Variants in TNFSF4 observed in about 807,000 individuals in gnomAD.
The protein encoded by TNFSF4 is TNF superfamily member 4, also known as tumor necrosis factor ligand superfamily member 4.
Under a neutral mutation model 7.3 loss-of-function variants are expected in TNFSF4, and 4 were observed. That is an observed-to-expected ratio of 0.55 (90% CI 0.27 to 1.25). The LOEUF is 1.25. Ranked by LOEUF, TNFSF4 falls within the 50% of genes most tolerant of loss-of-function variation. The pLI is 0.12. For synonymous variants in TNFSF4, 76 were observed against 83.7 expected (o/e 0.91, Z 0.50); for missense variants, 181 against 208.8 (o/e 0.87, Z 0.82).
the TNFSF4 span, among the ~76,000 whole-genome samples, chr1:173,387,761 A>T: frequency 2.1e-3 from 312 of 151,718 alleles, no homozygotes; most frequent in African/African-American, 6.1e-3. Flanking sequence ...GAAATATGGT[A>T]AAAAAAATTG....
chr1:173,433,322 A>G, the TNFSF4 span, among the ~76,000 whole-genome samples: 143 of 152,322 alleles, frequency 9.4e-4, 2 homozygotes, highest in Admixed American at 2.2e-3. Context: ...GACTTGCAGT[A>G]TAGTCTTAAG....
intron 2 of TNFSF4, 126 bp from the exon 3 acceptor site, chr1:173,186,991 C>A: frequency 6.0e-6 from 4 of 665,134 alleles, no homozygotes; most frequent in Non-Finnish European, 1.0e-5. Context: ...AGAGTAAAAG[C>A]AGTGAGCCAA....
At chr1:173,182,939 G>A (rs1490135309), downstream of TNFSF4, among the ~76,000 whole-genome samples, 1 of 152,214 alleles carries the variant, frequency 6.6e-6, no homozygotes, top group Non-Finnish European at 1.5e-5. Flanking sequence ...CTCTGTTTGG[G>A]AAGGTTGCTG....
chr1:173,378,030 A>G, the TNFSF4 span, among the ~76,000 whole-genome samples: 1 of 152,184 alleles, frequency 6.6e-6, no homozygotes, highest in East Asian at 1.9e-4. Context: ...TCTAAATCCA[A>G]TTTTTCTTGG....
the TNFSF4 span, among the ~76,000 whole-genome samples, chr1:173,389,203 C>T: frequency 0.01 from 1,590 of 152,252 alleles, 14 homozygotes; most frequent in Non-Finnish European, 0.017. Flanking sequence ...GTTTTACCTT[C>T]CAGATATCAC....
the TNFSF4 span, among the ~76,000 whole-genome samples, chr1:173,244,632 A>T: frequency 7.4e-6 from 1 of 135,556 alleles, no homozygotes; most frequent in Admixed American, 7.4e-5. Context: ...ACAGAGCGAG[A>T]CTCTGTCTCA....
At chr1:173,313,399 T>A in the TNFSF4 span, among the ~76,000 whole-genome samples, 112 of 152,250 alleles carry the variant, frequency 7.4e-4, no homozygotes, top group African/African-American at 2.5e-3. Context: ...TTAAACTATA[T>A]GCATGCTGTG....
the TNFSF4 span, among the ~76,000 whole-genome samples, chr1:173,243,096 T>C: frequency 2.7e-5 from 4 of 148,308 alleles, no homozygotes; most frequent in African/African-American, 7.5e-5. Flanking sequence ...TCCTTGCTCA[T>C]AGTTGCTTAA....
At chr1:173,338,061 C>G in the TNFSF4 span, among the ~76,000 whole-genome samples, 3 of 152,124 alleles carry the variant, frequency 2.0e-5, no homozygotes, top group Non-Finnish European at 4.4e-5. Flanking sequence ...GACTCAACAA[C>G]ATGAACTTCT....
intron 1 of TNFSF4, 115 bp downstream of exon 1, chr1:173,206,909 G>T: frequency 8.0e-7 from 1 of 1,243,986 alleles, no homozygotes; most frequent in East Asian, 2.6e-5. Flanking sequence ...GTGGGGAGAG[G>T]GAAAAAAAAC....
chr1:173,290,626 G>A, the TNFSF4 span, among the ~76,000 whole-genome samples: 1 of 152,120 alleles, frequency 6.6e-6, no homozygotes, highest in South Asian at 2.1e-4. Flanking sequence ...AACCACACAA[G>A]AATAGTGAGA....
the TNFSF4 span, among the ~76,000 whole-genome samples, chr1:173,224,698 G>C: frequency 6.6e-6 from 1 of 152,232 alleles, no homozygotes; most frequent in Non-Finnish European, 1.5e-5. Context: ...ACTCAGGTCT[G>C]TCTGGCTACA....
chr1:173,326,940 G>C, the TNFSF4 span, among the ~76,000 whole-genome samples: 2 of 152,140 alleles, frequency 1.3e-5, no homozygotes, highest in Non-Finnish European at 2.9e-5. Flanking sequence ...TGGCCATACT[G>C]CCCAAGGTAA....
the TNFSF4 span, among the ~76,000 whole-genome samples, chr1:173,324,671 C>T: frequency 0.044 from 6,716 of 152,134 alleles, 448 homozygotes; most frequent in African/African-American, 0.15. Context: ...GGAGGAAGAT[C>T]TACCAAGCAA....
chr1:173,300,725 C>G, the TNFSF4 span, among the ~76,000 whole-genome samples: 1 of 151,270 alleles, frequency 6.6e-6, no homozygotes, highest in Non-Finnish European at 1.5e-5. Flanking sequence ...AGTAAACATT[C>G]AATCCAAACT....
At chr1:173,176,466 A>C in the TNFSF4 span, among the ~76,000 whole-genome samples, 1 of 152,164 alleles carries the variant, frequency 6.6e-6, no homozygotes, top group Non-Finnish European at 1.5e-5. Context: ...AAAGTAAAAT[A>C]ATAACAGATG....
At chr1:173,301,933 A>C in the TNFSF4 span, among the ~76,000 whole-genome samples, 1 of 151,752 alleles carries the variant, frequency 6.6e-6, no homozygotes, top group Admixed American at 6.6e-5. Context: ...AATACCATAC[A>C]AAAACTAATT....
At chr1:173,358,658 T>G in the TNFSF4 span, among the ~76,000 whole-genome samples, 1 of 152,202 alleles carries the variant, frequency 6.6e-6, no homozygotes, top group Non-Finnish European at 1.5e-5. Context: ...AAGTGTCCAC[T>G]AAACAGTAGG....
At chr1:173,373,117 A>C in the TNFSF4 span, among the ~76,000 whole-genome samples, 5 of 152,250 alleles carry the variant, frequency 3.3e-5, no homozygotes, top group African/African-American at 7.2e-5. Context: ...CTAATCCTAC[A>C]TGCCCATGCT....
Sources: gnomAD v4.1 joint callset for allele counts (sites outside exome capture counted in the v4.1 genomes callset) on GRCh38, gnomAD v4.1.1 for gene constraint, MANE v1.5 for transcripts, NCBI Gene and HGNC (gene_info 2026-07-23, HGNC 2026-07-21) for gene names.